Variants in KPNB1 observed in about 807,000 individuals in gnomAD.
KPNB1 encodes the protein karyopherin subunit beta 1.
In KPNB1, 7 loss-of-function variants were observed where a neutral mutation model predicts 113.0. That is an observed-to-expected ratio of 0.06 (90% confidence interval 0.04 to 0.12). KPNB1 has a LOEUF of 0.12. Among genes scored for constraint, KPNB1 ranks in the 10% least tolerant of loss-of-function variants. KPNB1 has a pLI of 1.00. For synonymous variants in KPNB1, 363 were observed against 378.6 expected, an observed-to-expected ratio of 0.96 and a Z score of 0.48; for missense variants, 400 against 1,054.8, an observed-to-expected ratio of 0.38 and a Z score of 8.60.
intron 19 of KPNB1, 191 bp downstream of exon 19, chr17:47,678,604 T>G (rs554494077): frequency 1.7e-4 from 95 of 570,974 alleles, no homozygotes; most frequent in East Asian, 9.0e-4. Flanking sequence ...TTGCTCTGCT[T>G]CTTCTTTCTT....
At chr17:47,663,838 A>G (rs1726552033) in intron 7 of KPNB1, among the ~76,000 whole-genome samples, 1 of 152,024 alleles carries the variant, frequency 6.6e-6, no homozygotes, top group Non-Finnish European at 1.5e-5. Flanking sequence ...TACAAAAATA[A>G]GCTGGGTGAG....
At chr17:47,669,294 C>T (rs1263858202) in intron 10 of KPNB1, among the ~76,000 whole-genome samples, 4 of 151,942 alleles carry the variant, frequency 2.6e-5, no homozygotes, top group Admixed American at 6.6e-5. Flanking sequence ...GTAGAGAGAC[C>T]GGGTTTCATC....
intron 11 of KPNB1, 46 bp downstream of exon 11, chr17:47,669,915 C>G (rs1352476099): frequency 2.1e-6 from 3 of 1,402,336 alleles, no homozygotes; most frequent in Non-Finnish European, 3.0e-6. Flanking sequence ...GCCTGCGCCA[C>G]TGGCAAGAAA....
chr17:47,673,200 A>C, intron 13 of KPNB1, 35 bp downstream of exon 13: 1 of 1,605,264 alleles, frequency 6.2e-7, no homozygotes, highest in Non-Finnish European at 8.5e-7. Flanking sequence ...TATGGGTGGG[A>C]ATTGGGTAGT....
chr17:47,682,372 A>C, intron 21 of KPNB1, 32 bp from the exon 22 acceptor site: 5 of 781,068 alleles, frequency 6.4e-6, no homozygotes, highest in Non-Finnish European at 1.2e-5. Flanking sequence ...ATGTGATCTC[A>C]AAGATTGACC....
At chr17:47,680,458 T>C in intron 20 of KPNB1, 50 bp from the exon 21 acceptor site, 3 of 1,597,274 alleles carry the variant, frequency 1.9e-6, no homozygotes, top group Non-Finnish European at 1.7e-6. Flanking sequence ...CAAAACATTA[T>C]ACTGGTATGG....
At chr17:47,671,142 A>T (rs543801224) in intron 12 of KPNB1, among the ~76,000 whole-genome samples, 2 of 152,194 alleles carry the variant, frequency 1.3e-5, no homozygotes, top group Admixed American at 1.3e-4. Flanking sequence ...CTGTAGTCCT[A>T]GCTACTTGGG....
In KPNB1 at chr17:47,650,220, A is replaced by C. The variant is rs776523019; in HGVS notation, c.-25A>C. The C allele has an allele frequency of 1.4e-6, 2 of 1,419,596 alleles. No homozygotes were observed. The highest frequency in any genetic ancestry group is 1.5e-5 in the African/African-American group (1 of 64,582). The allele number at this position is 1,419,596 out of a possible 1,614,324, so 87.9% of individuals were successfully genotyped here. On this transcript the variant is annotated 5_prime_UTR_variant, in exon 1 of 22. Coordinates refer to ENST00000290158, the MANE Select transcript of KPNB1 (RefSeq NM_002265.6). ...AAGGCCGGGCCGTCGTCTTAGGAGG[A>C]GTCGCCGCCGCCGCCACCTCCGCCA...
Position 47,658,577 on chromosome 17 carries a change from G to A in KPNB1, c.553G>A (p.Glu185Lys). Residue 185 changes from glutamate to lysine, a missense_variant, in exon 5 of 22, where the codon GAG becomes AAG. Coordinates refer to ENST00000290158, the MANE Select transcript of KPNB1 (RefSeq NM_002265.6). ...TAIIQGMRKE[E>K]PSNNVKLAAT... ...CATAATCCAGGGGATGAGGAAAGAA[G>A]AGCCTAGTAATAATGTGAAGCTAGC... 6.2e-7 allele frequency: 1 copy of A among 1,613,964 alleles called. No homozygotes were observed. Among genetic ancestry groups the A allele is most frequent in the Non-Finnish European group, 8.5e-7 (1 of 1,180,004 alleles).
intron 10 of KPNB1, among the ~76,000 whole-genome samples, 193 bp downstream of exon 10, chr17:47,668,603 T>C (rs1053187922): frequency 6.6e-6 from 1 of 152,202 alleles, no homozygotes; most frequent in Admixed American, 6.5e-5. Context: ...TCCAGAGACA[T>C]GTGAAAGAAG....
chr17:47,684,830 A>C lies in KPNB1; in HGVS notation c.*2426A>C, dbSNP rs1378872405. The stretch of plus-strand genomic sequence containing the variant: ...GTTACTCTGCACTGGTTATGCATTT[A>C]ATTCTCCTCTTTTCTAGTTAACCTT... On this transcript the variant is annotated 3_prime_UTR_variant, in exon 22 of 22. Coordinates refer to ENST00000290158, the MANE Select transcript of KPNB1 (RefSeq NM_002265.6). 1 of 152,622 alleles carries C rather than the reference A, an allele frequency of 6.6e-6. No individual in the cohort carries two copies. The highest frequency in any genetic ancestry group is 2.4e-5 in the African/African-American group (1 of 41,412). The allele number at this position is 152,622 out of a possible 1,614,324, so 9.5% of individuals were successfully genotyped here. A position where few individuals can be genotyped will look rare whatever the true frequency, so the allele number is the denominator to read the frequency against.
chr17:47,672,932 A>G lies in KPNB1; in HGVS notation c.1548-86A>G, dbSNP rs150095545. ...AGGTCTGCAGACATACCGGTTCCTGAGTTCTTATTTTTGGCAAGACATTGT... is the reference window on the plus strand; with the variant it reads ...AGGTCTGCAGACATACCGGTTCCTGGGTTCTTATTTTTGGCAAGACATTGT... On this transcript the variant is annotated intron_variant, in intron 12 of 21. Coordinates refer to ENST00000290158, the MANE Select transcript of KPNB1 (RefSeq NM_002265.6). The G allele has an allele frequency of 2.3e-6, 3 of 1,295,432 alleles. No homozygotes were observed. In the African/African-American group the frequency reaches 4.5e-5, roughly 19 times the overall value. 80.2% of individuals were successfully genotyped at this position (1,295,432 alleles called of 1,614,324 possible).
chr17:47,656,445 AG>A (rs1209282465), intron 3 of KPNB1, among the ~76,000 whole-genome samples: 1 of 151,968 alleles, frequency 6.6e-6, no homozygotes, highest in African/African-American at 2.4e-5. Flanking sequence ...CTACTCAGGG[AG>A]GCCTGGGAGG....
intron 12 of KPNB1, among the ~76,000 whole-genome samples, chr17:47,672,501 G>A (rs1387888167): frequency 6.6e-6 from 1 of 151,312 alleles, no homozygotes; most frequent in African/African-American, 2.4e-5. Flanking sequence ...AGGAATTCTC[G>A]TGCCTCAGCC....
chr17:47,661,766 A>G (rs1270333517), intron 6 of KPNB1, among the ~76,000 whole-genome samples: 2 of 152,210 alleles, frequency 1.3e-5, no homozygotes, highest in African/African-American at 4.8e-5. Flanking sequence ...ACTGGGCAAC[A>G]TAGTGACACC....
chr17:47,652,592 C>T (rs1364950850), intron 2 of KPNB1, 102 bp from the exon 3 acceptor site: 19 of 838,870 alleles, frequency 2.3e-5, no homozygotes, highest in Non-Finnish European at 1.6e-5. Flanking sequence ...ACATTAGTTC[C>T]CCCCCTCGCC....
chr17:47,669,402 A>G (rs1023352519), intron 10 of KPNB1, among the ~76,000 whole-genome samples: 1 of 152,214 alleles, frequency 6.6e-6, no homozygotes, highest in Non-Finnish European at 1.5e-5. Context: ...GATTACAGGC[A>G]TGAGCCATCA....
chr17:47,681,055 T>TGTGTGTGTGTG (rs1567896335), intron 21 of KPNB1, among the ~76,000 whole-genome samples: 4 of 147,228 alleles, frequency 2.7e-5, no homozygotes, highest in African/African-American at 1.0e-4. Flanking sequence ...AAATGTTTTT[T>TGTGTGTGTGTG]TGTGTGTGTG....
intron 3 of KPNB1, 94 bp from the exon 4 acceptor site, chr17:47,656,766 A>AG: frequency 1.6e-6 from 2 of 1,246,064 alleles, no homozygotes; most frequent in Middle Eastern, 2.2e-4. Flanking sequence ...AAGAAAAAAA[A>AG]GAATTCAGAG....
Sources: allele counts gnomAD v4.1 joint callset (sites outside exome capture counted in the v4.1 genomes callset), GRCh38; gene constraint gnomAD v4.1.1; transcripts MANE v1.5; gene names NCBI Gene and HGNC (gene_info 2026-07-23, HGNC 2026-07-21).